KLHL29: variants seen among roughly 807,000 people sequenced by gnomAD.
KLHL29 encodes kelch-like protein 29.
A neutral mutation model predicts 80.4 loss-of-function variants in KLHL29; 21 were observed. The observed-to-expected ratio is 0.26, with a 90% CI of 0.19 to 0.38. KLHL29 has a LOEUF of 0.38. Among genes scored for constraint, KLHL29 ranks in the 10% least tolerant of loss-of-function variants. KLHL29 has a pLI of 1.00. For synonymous variants in KLHL29, 511 were observed against 526.8 expected (o/e 0.97, Z 0.41); for missense variants, 867 against 1,223.9 (o/e 0.71, Z 4.35).
At chr2:23,627,085 T>C (rs1183468623) in intron 3 of KLHL29, among the ~76,000 whole-genome samples, 1 of 152,146 alleles carries the variant, frequency 6.6e-6, no homozygotes, top group East Asian at 1.9e-4. Context: ...GAAGTATCTA[T>C]CTGCCCCAAG....
intron 3 of KLHL29, among the ~76,000 whole-genome samples, chr2:23,629,667 G>C (rs1365293289): frequency 6.6e-6 from 1 of 152,212 alleles, no homozygotes; most frequent in Non-Finnish European, 1.5e-5. Flanking sequence ...GTGTGCAAGG[G>C]AGGCCATCTG....
intron 2 of KLHL29, chr2:23,532,759 G>T (rs1411149375): frequency 1.2e-5 from 5 of 423,416 alleles, no homozygotes; most frequent in Non-Finnish European, 2.4e-5. Context: ...CCTCTGCACG[G>T]GGAGAAGGAT....
intron 1 of KLHL29, among the ~76,000 whole-genome samples, chr2:23,389,022 C>G (rs1488221019): frequency 2.0e-5 from 2 of 101,022 alleles, no homozygotes; most frequent in East Asian, 5.6e-4. Context: ...AATCCCAGTA[C>G]TGTTATGGCT....
chr2:23,387,661 C>T (rs970368652), intron 1 of KLHL29, among the ~76,000 whole-genome samples: 1 of 152,100 alleles, frequency 6.6e-6, no homozygotes, highest in Admixed American at 6.5e-5. Context: ...CTAGTGAATA[C>T]TTTAAAGGCT....
intron 2 of KLHL29, among the ~76,000 whole-genome samples, chr2:23,491,008 T>C (rs1665084719): frequency 6.6e-6 from 1 of 152,132 alleles, no homozygotes; most frequent in Non-Finnish European, 1.5e-5. Context: ...AACATGCAGG[T>C]TTGTTACACA....
chr2:23,397,285 A>G (rs1666474721), intron 1 of KLHL29, among the ~76,000 whole-genome samples: 1 of 152,232 alleles, frequency 6.6e-6, no homozygotes, highest in East Asian at 1.9e-4. Context: ...GCCCCTCCCC[A>G]CAGGCTCTCC....
intron 5 of KLHL29, among the ~76,000 whole-genome samples, chr2:23,644,888 T>A (rs1440840254): frequency 6.6e-6 from 1 of 152,234 alleles, no homozygotes; most frequent in Non-Finnish European, 1.5e-5. Context: ...CCCTGCCTTC[T>A]GGTGAGCCAG....
chr2:23,642,143 T>C (rs969170947), intron 4 of KLHL29, among the ~76,000 whole-genome samples, 195 bp from the exon 5 acceptor site: 2 of 152,094 alleles, frequency 1.3e-5, no homozygotes, highest in African/African-American at 2.4e-5. Context: ...TGAGCCCCGA[T>C]GGCTGTTTGT....
chr2:23,395,174 A>G (rs751263312), intron 1 of KLHL29, among the ~76,000 whole-genome samples: 1 of 152,208 alleles, frequency 6.6e-6, no homozygotes, highest in African/African-American at 2.4e-5. Flanking sequence ...CAGGAAGTCC[A>G]TGGAAATGAG....
intron 3 of KLHL29, among the ~76,000 whole-genome samples, chr2:23,629,518 G>T (rs1480372952): frequency 6.6e-6 from 1 of 152,184 alleles, no homozygotes; most frequent in Non-Finnish European, 1.5e-5. Context: ...TGAGTTGTAA[G>T]GTTCTGCCAG....
At chr2:23,520,557 T>G (rs1666060129) in intron 2 of KLHL29, among the ~76,000 whole-genome samples, 1 of 152,226 alleles carries the variant, frequency 6.6e-6, no homozygotes, top group African/African-American at 2.4e-5. Flanking sequence ...GCCACTGCCC[T>G]GACCTCTGTT....
intron 2 of KLHL29, among the ~76,000 whole-genome samples, chr2:23,529,198 C>A (rs149877196): frequency 6.6e-6 from 1 of 152,372 alleles, no homozygotes; most frequent in African/African-American, 2.4e-5. Flanking sequence ...AGGCCTAGAA[C>A]TCCTGAGATC....
intron 1 of KLHL29, among the ~76,000 whole-genome samples, chr2:23,403,746 T>TGTGTGTGTGTGTGTGTGTGC (rs1237317209): frequency 1.3e-5 from 2 of 151,060 alleles, no homozygotes; most frequent in Non-Finnish European, 2.9e-5. Flanking sequence ...TGTGTGTGTG[T>TGTGTGTGTGTGTGTGTGTGC]GTGTGTGTGT....
intron 2 of KLHL29, among the ~76,000 whole-genome samples, chr2:23,487,049 C>G (rs1452289650): frequency 1.3e-5 from 2 of 152,190 alleles, no homozygotes; most frequent in South Asian, 2.1e-4. Flanking sequence ...TCCAAGGTCG[C>G]TGAACTAGAA....
At chr2:23,657,822 A>C (rs1215662593) in intron 5 of KLHL29, among the ~76,000 whole-genome samples, 2 of 152,094 alleles carry the variant, frequency 1.3e-5, no homozygotes, top group African/African-American at 4.8e-5. Context: ...ACCGGGATGT[A>C]TTTGCTGAGC....
At chr2:23,424,419 G>A (rs1054784913) in intron 1 of KLHL29, among the ~76,000 whole-genome samples, 12 of 152,132 alleles carry the variant, frequency 7.9e-5, no homozygotes, top group Non-Finnish European at 1.5e-4. Context: ...CTGTTAAATT[G>A]TTTCTATTAT....
At chr2:23,632,997 A>C (rs55634573) in intron 3 of KLHL29, among the ~76,000 whole-genome samples, 1 of 152,114 alleles carries the variant, frequency 6.6e-6, no homozygotes, top group East Asian at 1.9e-4. Flanking sequence ...GCCAATCAGA[A>C]CCATGCCAGA....
intron 5 of KLHL29, among the ~76,000 whole-genome samples, chr2:23,654,755 C>T (rs1410064489): frequency 6.7e-6 from 1 of 148,434 alleles, no homozygotes; most frequent in East Asian, 2.0e-4. Context: ...TGTATATTCA[C>T]CCCGTATTTA....
intron 1 of KLHL29, among the ~76,000 whole-genome samples, chr2:23,451,492 A>G (rs781309398): frequency 2.0e-5 from 3 of 152,330 alleles, no homozygotes; most frequent in East Asian, 3.9e-4. Flanking sequence ...GAAGCTGTGC[A>G]TGCGCCTTGC....
Sources: gnomAD v4.1 joint callset for allele counts (sites outside exome capture counted in the v4.1 genomes callset) on GRCh38, gnomAD v4.1.1 for gene constraint, MANE v1.5 for transcripts, NCBI Gene and HGNC (gene_info 2026-07-23, HGNC 2026-07-21) for gene names.